Variants in EPB41L3 observed in about 807,000 individuals in gnomAD.
The protein encoded by EPB41L3 is erythrocyte membrane protein band 4.1 like 3, also known as band 4.1-like protein 3.
Under a neutral mutation model 127.1 loss-of-function variants are expected in EPB41L3, and 57 were observed. The ratio of observed to expected loss-of-function variants is 0.45; its 90% CI spans 0.36 to 0.56. The LOEUF is 0.56. Ranked by LOEUF, EPB41L3 falls within the 20% of genes least tolerant of loss-of-function variation. The pLI is 0.00. For missense variants in EPB41L3, 1,273 were observed against 1,372.2 expected, an observed-to-expected ratio of 0.93 and a Z score of 1.14; for synonymous variants, 572 against 549.5, an observed-to-expected ratio of 1.04 and a Z score of -0.57.
At chr18:5,434,347 C>T in intron 6 of EPB41L3, among the ~76,000 whole-genome samples, 1 of 152,176 alleles carries the variant, frequency 6.6e-6, no homozygotes. Flanking sequence ...CATTTAGAAG[C>T]AAGTCGACGT....
At position 5,415,928 on chromosome 18, in the gene EPB41L3, C is replaced by T. The variant is rs201249884; in HGVS notation, c.1957G>A (p.Ala653Thr). Residue 653 changes from alanine (A) to threonine (T), a missense_variant, in exon 13 of 23, where the codon GCT (alanine) becomes ACT (threonine). Around this residue, in one of 3 missense-constraint regions of EPB41L3, gnomAD observed 765 missense variants for 782.9 expected, o/e 0.98. Coordinates refer to ENST00000341928, the MANE Select transcript of EPB41L3 (RefSeq NM_012307.5). ...LLSASFSVPY[A>T]LTLSFPLALC... is the part of the protein sequence containing the mutation. Reference sequence around the variant, plus strand: ...GCCAGAGGGAAGGAGAGAGTGAGAGCGTATGGCACTGAGAAGGAGGCAGAC... The same window carrying T: ...GCCAGAGGGAAGGAGAGAGTGAGAGTGTATGGCACTGAGAAGGAGGCAGAC... 5.4e-5 allele frequency: 87 copies of T among 1,613,746 alleles called. 1 individual carries two copies. Among genetic ancestry groups the T allele is most frequent in the Admixed American group, 1.2e-4 (7 of 59,974 alleles).
chr18:5,498,312 G>A (rs760972134), intron 1 of EPB41L3, among the ~76,000 whole-genome samples: 34 of 152,258 alleles, frequency 2.2e-4, no homozygotes, highest in Middle Eastern at 3.4e-3. Flanking sequence ...GAGTTCAGAC[G>A]GCTGGGCGCC....
chr18:5,441,845 A>G (rs1442569401), intron 5 of EPB41L3, among the ~76,000 whole-genome samples: 1 of 152,218 alleles, frequency 6.6e-6, no homozygotes, highest in Admixed American at 6.5e-5. Context: ...TGGCAAAGTC[A>G]TATACACTGC....
intron 3 of EPB41L3, among the ~76,000 whole-genome samples, chr18:5,597,924 G>A (rs2094552479): frequency 6.6e-6 from 1 of 152,144 alleles, no homozygotes; most frequent in South Asian, 2.1e-4. Context: ...TCATCACCAT[G>A]GGCATCTCCA....
At chr18:5,399,633 A>G in intron 16 of EPB41L3, 2 of 339,250 alleles carry the variant, frequency 5.9e-6, no homozygotes, top group Non-Finnish European at 1.1e-5. Flanking sequence ...CATACTTTGC[A>G]GTAAATTTTT....
chr18:5,620,119 A>G (rs752096369), intron 1 of EPB41L3, among the ~76,000 whole-genome samples: 1 of 150,688 alleles, frequency 6.6e-6, no homozygotes, highest in Admixed American at 6.7e-5. Context: ...AGTGTATGCT[A>G]TGTTATCAAG....
intron 1 of EPB41L3, chr18:5,540,197 T>C (rs1174645008): frequency 3.4e-6 from 1 of 293,620 alleles, no homozygotes; most frequent in African/African-American, 2.3e-5. Context: ...AATTACAGTT[T>C]TCTCTACAAA....
At chr18:5,594,114 T>C (rs2094514066) in intron 3 of EPB41L3, among the ~76,000 whole-genome samples, 1 of 152,196 alleles carries the variant, frequency 6.6e-6, no homozygotes, top group African/African-American at 2.4e-5. Context: ...GGGTATTGAC[T>C]GGGGAAGTGA....
At chr18:5,488,755 A>C in intron 2 of EPB41L3, 1 of 453,384 alleles carries the variant, frequency 2.2e-6, no homozygotes, top group Non-Finnish European at 3.8e-6. Context: ...GATAGGACCA[A>C]TAATCTCCAG....
At chr18:5,484,399 C>G (rs1488441636) in intron 2 of EPB41L3, among the ~76,000 whole-genome samples, 1 of 151,008 alleles carries the variant, frequency 6.6e-6, no homozygotes, top group African/African-American at 2.4e-5. Context: ...AAGTAAAAAG[C>G]CTTCAAATAA....
intron 5 of EPB41L3, among the ~76,000 whole-genome samples, chr18:5,441,627 G>C (rs998589368): frequency 6.6e-6 from 1 of 151,990 alleles, no homozygotes; most frequent in Admixed American, 6.5e-5. Context: ...CACCATGCCC[G>C]GCTAATTTTT....
chr18:5,530,826 A>C (rs2093387958), intron 1 of EPB41L3, among the ~76,000 whole-genome samples: 1 of 152,048 alleles, frequency 6.6e-6, no homozygotes, highest in South Asian at 2.1e-4. Flanking sequence ...CCATCACAGC[A>C]CTTGGGAGGC....
chr18:5,613,856 A>G (rs1485400088), intron 2 of EPB41L3, among the ~76,000 whole-genome samples: 3 of 152,252 alleles, frequency 2.0e-5, no homozygotes, highest in Non-Finnish European at 4.4e-5. Context: ...TTATGTTAAC[A>G]TGAAATGGAT....
intron 1 of EPB41L3, among the ~76,000 whole-genome samples, chr18:5,623,487 G>A (rs2094888015): frequency 6.6e-6 from 1 of 152,004 alleles, no homozygotes; most frequent in African/African-American, 2.4e-5. Flanking sequence ...ATTTGAGGAG[G>A]GTGAATTTAT....
intron 3 of EPB41L3, among the ~76,000 whole-genome samples, chr18:5,583,837 T>G (rs1261846043): frequency 6.6e-6 from 1 of 152,200 alleles, no homozygotes; most frequent in South Asian, 2.1e-4. Flanking sequence ...TTTCGGAGTT[T>G]CACTCTTGTT....
chr18:5,408,020 G>A (rs979665772), intron 14 of EPB41L3, among the ~76,000 whole-genome samples: 4 of 152,192 alleles, frequency 2.6e-5, no homozygotes, highest in African/African-American at 9.6e-5. Context: ...GGTGTGGCAG[G>A]TTGTTCTTGA....
chr18:5,483,851 C>T (rs564446458), intron 2 of EPB41L3, among the ~76,000 whole-genome samples: 25 of 151,512 alleles, frequency 1.7e-4, no homozygotes, highest in African/African-American at 5.8e-4. Context: ...GAGAAACAGA[C>T]GGCAGTACAA....
At chr18:5,408,019 G>C (rs752653285) in intron 14 of EPB41L3, among the ~76,000 whole-genome samples, 3 of 152,212 alleles carry the variant, frequency 2.0e-5, no homozygotes, top group South Asian at 2.1e-4. Context: ...GGGTGTGGCA[G>C]GTTGTTCTTG....
chr18:5,544,020 C>T (rs532829818), upstream of EPB41L3: 10,674 of 985,652 alleles, frequency 0.011, 53 homozygotes, highest in Non-Finnish European at 0.012. Context: ...GAAGCCGCAG[C>T]CCAGGGCTGC....
Sources: allele counts gnomAD v4.1 joint callset (sites outside exome capture counted in the v4.1 genomes callset), GRCh38; gene constraint gnomAD v4.1.1; regional missense constraint gnomAD v4.1.1; transcripts MANE v1.5; gene names NCBI Gene and HGNC (gene_info 2026-07-23, HGNC 2026-07-21).